ETFDH: variants seen among roughly 807,000 people sequenced by gnomAD.
ETFDH encodes the protein electron transfer flavoprotein dehydrogenase, also known as electron transfer flavoprotein-ubiquinone oxidoreductase, mitochondrial.
Under a neutral mutation model 73.2 loss-of-function variants are expected in ETFDH, and 61 were observed. The observed-to-expected ratio is 0.83, with a 90% CI of 0.68 to 1.03. The LOEUF (loss-of-function observed/expected upper bound fraction) is 1.03. Among genes scored for constraint, ETFDH ranks in the 50% least tolerant of loss-of-function variants. The pLI, the probability that ETFDH is intolerant of heterozygous loss-of-function variation, is 0.00. For synonymous variants in ETFDH, 243 were observed against 253.3 expected (o/e 0.96, Z 0.39); for missense variants, 685 against 745.0 (o/e 0.92, Z 0.94).
chr4:158,691,347 C>T (rs1390161074), intron 6 of ETFDH, among the ~76,000 whole-genome samples: 2 of 151,858 alleles, frequency 1.3e-5, no homozygotes, highest in Admixed American at 1.3e-4. Flanking sequence ...TGTTTTGAGA[C>T]GGAGTTTCAT....
intron 1 of ETFDH, among the ~76,000 whole-genome samples, chr4:158,675,061 A>C (rs1773678375): frequency 6.6e-6 from 1 of 152,226 alleles, no homozygotes; most frequent in African/African-American, 2.4e-5. Context: ...AACTTTAATA[A>C]GATATGTCAC....
chr4:158,681,867 T>C, intron 2 of ETFDH: 2 of 361,452 alleles, frequency 5.5e-6, no homozygotes, highest in Non-Finnish European at 1.0e-5. Context: ...AGGGCAAAAT[T>C]GCCTAACGAT....
intron 5 of ETFDH, among the ~76,000 whole-genome samples, chr4:158,687,400 C>T (rs894234915): frequency 2.6e-5 from 4 of 152,140 alleles, no homozygotes; most frequent in Non-Finnish European, 5.9e-5. Context: ...TTTGGGATAT[C>T]GGTTTCTGAG....
intron 7 of ETFDH, among the ~76,000 whole-genome samples, chr4:158,696,606 GA>G (rs1774314096): frequency 6.6e-6 from 1 of 152,092 alleles, no homozygotes; most frequent in Non-Finnish European, 1.5e-5. Flanking sequence ...ATTATATTGT[GA>G]ATAAGGGTTT....
intron 2 of ETFDH, among the ~76,000 whole-genome samples, 170 bp downstream of exon 2, chr4:158,680,777 T>A (rs1773835207): frequency 6.6e-6 from 1 of 152,238 alleles, no homozygotes; most frequent in African/African-American, 2.4e-5. Context: ...ACGACAATTA[T>A]AATGGTAATC....
chr4:158,705,688 AATAAC>A (rs1774590497), intron 10 of ETFDH, among the ~76,000 whole-genome samples: 1 of 152,242 alleles, frequency 6.6e-6, no homozygotes, highest in Non-Finnish European at 1.5e-5. Flanking sequence ...ACTGCCTGTT[AATAAC>A]ATATCTATAT....
At chr4:158,697,447 T>C (rs1450734152) in intron 7 of ETFDH, 112 bp from the exon 8 acceptor site, 5 of 908,358 alleles carry the variant, frequency 5.5e-6, no homozygotes, top group Non-Finnish European at 8.6e-6. Flanking sequence ...AGTTTTTCAC[T>C]TGTAATTTTC....
chr4:158,708,195 T>G (rs1211044591), intron 12 of ETFDH, among the ~76,000 whole-genome samples, 169 bp from the exon 13 acceptor site: 1 of 152,178 alleles, frequency 6.6e-6, no homozygotes, highest in African/African-American at 2.4e-5. Context: ...TACATGTAAT[T>G]TACACTCACA....
At chr4:158,680,342 C>G (rs1012681048) in intron 1 of ETFDH, 125 bp from the exon 2 acceptor site, 2 of 644,000 alleles carry the variant, frequency 3.1e-6, no homozygotes, top group Non-Finnish European at 5.6e-6. Context: ...TCAAAGTGTT[C>G]ACCTAGGAAA....
rs758962745 is a variant in ETFDH, at chr4:158,706,313, C to T, written c.1410C>T (p.Tyr470=). ...TGGGTGTATATGGAGGGATGATTTA[C>T]ACTGGAATCTTTTACTGGATATTGA... ...GVLGVYGGMI[Y]TGIFYWILRG... is the part of the protein sequence containing the mutation. Residue 470 remains tyrosine (Y), a synonymous_variant, in exon 11 of 13, where the codon TAC becomes TAT. Coordinates refer to ENST00000511912, the MANE Select transcript of ETFDH (RefSeq NM_004453.4). The T allele has an allele frequency of 1.2e-6, 2 of 1,613,356 alleles. No individual in the cohort carries two copies. The highest frequency in any genetic ancestry group is 8.5e-7 in the Non-Finnish European group (1 of 1,179,338).
intron 7 of ETFDH, among the ~76,000 whole-genome samples, chr4:158,696,724 G>T (rs1038235510): frequency 2.0e-5 from 3 of 152,118 alleles, no homozygotes; most frequent in African/African-American, 7.2e-5. Context: ...TGAAAAGAGG[G>T]TGAACAATTT....
intron 9 of ETFDH, among the ~76,000 whole-genome samples, chr4:158,701,947 G>A (rs1384005116): frequency 6.6e-6 from 1 of 151,990 alleles, no homozygotes; most frequent in Non-Finnish European, 1.5e-5. Context: ...TGTATACCAA[G>A]ATCCAAAGAA....
intron 6 of ETFDH, among the ~76,000 whole-genome samples, chr4:158,691,491 C>T (rs996103174): frequency 6.6e-6 from 1 of 151,740 alleles, no homozygotes; most frequent in Non-Finnish European, 1.5e-5. Flanking sequence ...TACCTGGCTA[C>T]TTTTTGTATT....
intron 3 of ETFDH, 111 bp downstream of exon 3, chr4:158,682,535 T>C: frequency 1.2e-6 from 1 of 849,874 alleles, no homozygotes; most frequent in Non-Finnish European, 1.8e-6. Context: ...TCTATCTTTT[T>C]TTTTTTTCTT....
Position 158,691,025 on chromosome 4 carries a change from A to G in ETFDH, c.684+600A>G, listed in dbSNP as rs190468189. Among the ~76,000 whole-genome samples the G allele has an allele frequency of 3.5e-3, 529 of 152,350 alleles. 7 individuals are homozygous for G. Among genetic ancestry groups the G allele is most frequent in the East Asian group, 2.5e-3 (13 of 5,192 alleles). ...AACAATGGTTTAGGCAAGTAGTTAT[A>G]ATATGTTTAAAAATTTTTTAAAAGA... On this transcript the variant is annotated intron_variant, in intron 6 of 12. Transcript: ENST00000511912.
intron 9 of ETFDH, among the ~76,000 whole-genome samples, chr4:158,700,325 T>C (rs150533767): frequency 2.0e-5 from 3 of 150,550 alleles, no homozygotes; most frequent in African/African-American, 7.2e-5. Context: ...GTAATTCCTT[T>C]GGTAGAAATA....
At chr4:158,673,095 G>A (rs546512988) in intron 1 of ETFDH, among the ~76,000 whole-genome samples, 1 of 152,314 alleles carries the variant, frequency 6.6e-6, no homozygotes, top group East Asian at 1.9e-4. Flanking sequence ...CCTGAGGTCA[G>A]GAGTTCAAGA....
Position 158,682,284 on chromosome 4 carries a change from C to T in ETFDH, c.265C>T (p.Gln89Ter), listed in dbSNP as rs2150305196. 1 of 1,614,168 alleles carries T rather than the reference C, an allele frequency of 6.2e-7. No individual in the cohort carries two copies. Reference protein sequence around the residue: ...AGLSAAVRLKQLAVAHEKDIR... With the variant: ...AGLSAAVRLK Reference sequence around the variant, plus strand: ...GCTCTCTGCAGCTGTTCGTCTAAAACAGTTGGCTGTGGCACATGAAAAGGA... The same window carrying T: ...GCTCTCTGCAGCTGTTCGTCTAAAATAGTTGGCTGTGGCACATGAAAAGGA... The change falls in exon 3 of 13, where the codon CAG (glutamine) becomes TAG (stop). Residue 89 changes from glutamine (Q) to a stop codon, truncating the protein, a stop_gained. Transcript: ENST00000511912. LOFTEE classifies it high-confidence loss of function.
chr4:158,680,509 T>A lies in ETFDH; in HGVS notation c.77T>A (p.Leu26Gln). 1 of 1,603,274 alleles carries A rather than the reference T, an allele frequency of 6.2e-7. No homozygotes were observed. The highest frequency in any genetic ancestry group is 8.5e-7 in the Non-Finnish European group (1 of 1,170,216). ...GCCTTAAAAATTAAGAAAAATTATC[T>A]ACCTCTATGTGCTACAAGATGGTCT... Reference protein sequence around the residue: ...FHALKIKKNYLPLCATRWSST... With the variant: ...FHALKIKKNYQPLCATRWSST... The change falls in exon 2 of 13, where the codon CTA (leucine) becomes CAA (glutamine). Residue 26 changes from leucine to glutamine, a missense_variant. Leu to Gln is a moderately radical substitution (Grantham distance 113, BLOSUM62 -2). Around this residue, in one of 3 missense-constraint regions of ETFDH, gnomAD observed 405 missense variants for 399.3 expected, o/e 1.01. Coordinates refer to ENST00000511912, the MANE Select transcript of ETFDH (RefSeq NM_004453.4).
Sources: allele counts gnomAD v4.1 joint callset (sites outside exome capture counted in the v4.1 genomes callset), GRCh38; gene constraint gnomAD v4.1.1; regional missense constraint gnomAD v4.1.1; transcripts MANE v1.5; gene names NCBI Gene and HGNC (gene_info 2026-07-23, HGNC 2026-07-21).